Variants in CREB3L3 observed in about 807,000 individuals in gnomAD.
CREB3L3 encodes the protein cAMP responsive element binding protein 3 like 3.
In CREB3L3, 40 loss-of-function variants were observed where a neutral mutation model predicts 44.6. That is an observed-to-expected ratio of 0.90 (90% CI 0.70 to 1.17). The LOEUF is 1.17. Among genes scored for constraint, CREB3L3 ranks in the 50% most tolerant of loss-of-function variants. The pLI is 0.00. For synonymous variants in CREB3L3, 273 were observed against 256.3 expected (o/e 1.06, Z -0.62); for missense variants, 578 against 595.8 (o/e 0.97, Z 0.31).
In CREB3L3 at chr19:4,154,996, T is replaced by G. The variant is rs777840227; in HGVS notation, c.125T>G (p.Leu42Arg). 6.2e-7 allele frequency: 1 copy of G among 1,611,344 alleles called. No individual in the cohort carries two copies. Among genetic ancestry groups the G allele is most frequent in the Non-Finnish European group, 8.5e-7 (1 of 1,179,986 alleles). The change falls in exon 2 of 10, where the codon CTG becomes CGG. Residue 42 changes from leucine (L) to arginine (R), a missense_variant. Leu to Arg is a moderately radical substitution (Grantham distance 102). Transcript: ENST00000078445. ...RQDGILRHVE[L>R]GEGWGHVKDQ... ...GACGGCATCCTGAGACACGTGGAGC[T>G]GGGCGAGGGCTGGGGTCACGTCAAG...
Position 4,156,936 on chromosome 19 carries a change from A to T in CREB3L3, c.157-59A>T, listed in dbSNP as rs1395199843. ...GTCACTGGTTTCCCTGGGGCCACAC[A>T]CTAATCTAAAAAGAGTGAGCACTTC... On this transcript the variant is annotated intron_variant, in intron 2 of 9. Transcript: ENST00000078445. The T allele has an allele frequency of 5.7e-6, 9 of 1,577,480 alleles. No individual in the cohort carries two copies. The Admixed American group carries it at 1.5e-4, about 26-fold the overall frequency.
At position 4,154,889 on chromosome 19, in the gene CREB3L3, C is replaced by G. The variant is rs775389868; in HGVS notation, c.28-10C>G. The G allele has an allele frequency of 1.9e-6, 3 of 1,613,716 alleles. No individual in the cohort carries two copies. Among genetic ancestry groups the G allele is most frequent in the Admixed American group, 1.7e-5 (1 of 59,988 alleles). On this transcript the variant is annotated splice_polypyrimidine_tract_variant and intron_variant, in intron 1 of 9. Coordinates refer to ENST00000078445, the MANE Select transcript of CREB3L3 (RefSeq NM_032607.3). ...GTATGTGACCCTCACATCTGTTCCT[C>G]GCGCCCCAGATGGCTTCTGCTGCCT...
rs1047593249 is a variant in CREB3L3, at chr19:4,170,306, G to T, written c.890+98G>T. The T allele has an allele frequency of 7.3e-6, 9 of 1,236,132 alleles. No individual in the cohort carries two copies. The African/African-American group carries it at 1.2e-4, about 16-fold the overall frequency. 76.6% of individuals were successfully genotyped at this position (1,236,132 alleles called of 1,614,324 possible). ...GCCCATGTGATGGCAGAATGACATA[G>T]GGAATAAGAGTTTTACCTATGGGCC... is the stretch of plus-strand genomic sequence containing the variant. On this transcript the variant is annotated intron_variant, in intron 7 of 9. Transcript: ENST00000078445.
At position 4,162,380 on chromosome 19, in the gene CREB3L3, C is replaced by T. The variant is rs543743771; in HGVS notation, c.577-2123C>T. ...CTCAAATTCCTAAGCTCAAGTGATC[C>T]TCCTGCCTCGACCTCCCATTTTTTT... is the stretch of plus-strand genomic sequence containing the variant. On this transcript the variant is annotated intron_variant, in intron 4 of 9. Transcript: ENST00000078445. Among the ~76,000 whole-genome samples the T allele has an allele frequency of 2.0e-5, 3 of 152,090 alleles. No homozygotes were observed. The East Asian group carries it at 5.8e-4, about 29-fold the overall frequency.
intron 2 of CREB3L3, among the ~76,000 whole-genome samples, chr19:4,156,107 C>CG (rs2041570814): frequency 7.5e-6 from 1 of 133,644 alleles, no homozygotes; most frequent in Non-Finnish European, 1.6e-5. Flanking sequence ...CTCTCTCTCT[C>CG]TCTCTCTCTC....
chr19:4,161,410 G>A (rs1027485865), intron 4 of CREB3L3, among the ~76,000 whole-genome samples: 14 of 152,056 alleles, frequency 9.2e-5, no homozygotes, highest in African/African-American at 1.4e-4. Flanking sequence ...ACTGCGCCCC[G>A]CCTGGGGCTT....
At chr19:4,167,064 C>T (rs150100845) in intron 5 of CREB3L3, among the ~76,000 whole-genome samples, 2 of 152,178 alleles carry the variant, frequency 1.3e-5, no homozygotes, top group East Asian at 1.9e-4. Flanking sequence ...ACTTATTGGC[C>T]GGGTGTGGTG....
intron 5 of CREB3L3, 109 bp from the exon 6 acceptor site, chr19:4,168,242 G>A (rs1355715470): frequency 5.5e-6 from 4 of 723,044 alleles, no homozygotes; most frequent in African/African-American, 3.5e-5. Flanking sequence ...CAGGTGATAC[G>A]CCTGCCTCGG....
At chr19:4,167,488 G>GAGAA (rs1966939387) in intron 5 of CREB3L3, among the ~76,000 whole-genome samples, 3 of 124,292 alleles carry the variant, frequency 2.4e-5, no homozygotes, top group East Asian at 5.6e-4. Flanking sequence ...AGGAAAGAAA[G>GAGAA]AGAGAAAGAG....
intron 6 of CREB3L3, 104 bp from the exon 7 acceptor site, chr19:4,170,036 C>T (rs1967007951): frequency 4.5e-6 from 5 of 1,108,892 alleles, no homozygotes; most frequent in South Asian, 3.7e-5. Context: ...CCTCTCTGGC[C>T]TTGGGTTCTC....
intron 2 of CREB3L3, among the ~76,000 whole-genome samples, 200 bp from the exon 3 acceptor site, chr19:4,156,795 C>T (rs574197930): frequency 1.4e-4 from 22 of 152,210 alleles, no homozygotes; most frequent in Admixed American, 1.3e-3. Context: ...AGCCACTGCA[C>T]CTGGCACTGG....
Position 4,170,403 on chromosome 19 carries a change from A to G in CREB3L3, c.890+195A>G, listed in dbSNP as rs536522474. The stretch of plus-strand genomic sequence containing the variant: ...GGCGGGTGGATCACCTGAGGTCAGG[A>G]GTTCAAAACCAGCCTGGCCAACATG... On this transcript the variant is annotated intron_variant, in intron 7 of 9. Coordinates refer to ENST00000078445, the MANE Select transcript of CREB3L3 (RefSeq NM_032607.3). Among the ~76,000 whole-genome samples, 7 of 152,102 alleles carry G rather than the reference A, an allele frequency of 4.6e-5. No homozygotes were observed. In the East Asian group the frequency reaches 1.4e-3, roughly 29 times the overall value.
intron 4 of CREB3L3, among the ~76,000 whole-genome samples, chr19:4,160,851 A>T (rs1389403622): frequency 6.7e-6 from 1 of 149,212 alleles, no homozygotes; most frequent in Non-Finnish European, 1.5e-5. Flanking sequence ...CTCCTGCCTC[A>T]GCCTCCCCAG....
chr19:4,157,727 C>A (rs897662031), intron 3 of CREB3L3, among the ~76,000 whole-genome samples: 1 of 151,860 alleles, frequency 6.6e-6, no homozygotes, highest in Non-Finnish European at 1.5e-5. Flanking sequence ...ACTCTGTCAC[C>A]CAGGCTGGAG....
In CREB3L3 at chr19:4,171,870, A is replaced by C; in HGVS notation, c.1287A>C (p.Thr429=). ...DNATLVLRNA[T]EGLGQVALLD... ...CCACCCTGGTCCTGAGGAATGCAAC[A>C]GAGGGGCTGGGCCAGGTCGCCCTGC... The change falls in exon 10 of 10, where the codon ACA becomes ACC. Residue 429 remains threonine (T), a synonymous_variant. Transcript: ENST00000078445. This position sits in a 1 kb window ranked among gnomAD's most constrained non-coding sequence, Gnocchi z 4.9. The C allele has an allele frequency of 6.2e-7, 1 of 1,613,448 alleles. No individual in the cohort carries two copies.
At chr19:4,170,980 T>C (rs1168848801) in intron 7 of CREB3L3, 111 bp from the exon 8 acceptor site, 2 of 770,342 alleles carry the variant, frequency 2.6e-6, no homozygotes, top group African/African-American at 3.4e-5. Flanking sequence ...CAGAGGCCCT[T>C]GAAGAATGGA....
At chr19:4,168,915 G>A (rs350855) in intron 6 of CREB3L3, among the ~76,000 whole-genome samples, 1 of 151,808 alleles carries the variant, frequency 6.6e-6, no homozygotes, top group African/African-American at 2.4e-5. Flanking sequence ...TTGTATTTTT[G>A]GTAGAGATGG....
At chr19:4,165,826 G>A (rs1009598594) in intron 5 of CREB3L3, among the ~76,000 whole-genome samples, 3 of 152,040 alleles carry the variant, frequency 2.0e-5, no homozygotes, top group Non-Finnish European at 4.4e-5. Context: ...GCAGTGAGCC[G>A]AGATGGTACC....
intron 4 of CREB3L3, among the ~76,000 whole-genome samples, chr19:4,161,345 C>A (rs350863): frequency 0.55 from 83,715 of 151,740 alleles, 23,396 homozygotes; most frequent in East Asian, 0.65. Flanking sequence ...AACTCGTAGC[C>A]TCAAGTGATC....
Sources: gnomAD v4.1 joint callset for allele counts (sites outside exome capture counted in the v4.1 genomes callset) on GRCh38, gnomAD v4.1.1 for gene constraint, Gnocchi (gnomAD v3.1) non-coding constraint, MANE v1.5 for transcripts, NCBI Gene and HGNC (gene_info 2026-07-23, HGNC 2026-07-21) for gene names.